The following SRC variants were observed in gnomAD, a reference collection of about 807,000 sequenced individuals.
SRC encodes proto-oncogene tyrosine-protein kinase Src.
SRC carries 13 observed loss-of-function variants against 62.9 expected under a neutral mutation model. The observed-to-expected ratio is 0.21, with a 90% confidence interval of 0.13 to 0.33. The LOEUF (loss-of-function observed/expected upper bound fraction) is 0.33. Ranked by LOEUF, SRC falls within the 10% of genes least tolerant of loss-of-function variation. The pLI, the probability that SRC is intolerant of heterozygous loss-of-function variation, is 1.00. For missense variants in SRC, 457 were observed against 737.3 expected (o/e 0.62, Z 4.40); for synonymous variants, 302 against 317.5 (o/e 0.95, Z 0.52).
At chr20:37,358,535 T>G (rs2069917307) in intron 1 of SRC, among the ~76,000 whole-genome samples, 1 of 152,226 alleles carries the variant, frequency 6.6e-6, no homozygotes, top group African/African-American at 2.4e-5. Flanking sequence ...TCACCTCTCC[T>G]TGCCCTCTTC....
At chr20:37,349,132 G>A (rs2069764438) in intron 1 of SRC, among the ~76,000 whole-genome samples, 1 of 152,194 alleles carries the variant, frequency 6.6e-6, no homozygotes, top group Non-Finnish European at 1.5e-5. Flanking sequence ...CTGGAGGCCA[G>A]AGGTACAGAG....
At chr20:37,370,402 T>C (rs955809300) in intron 2 of SRC, among the ~76,000 whole-genome samples, 1 of 152,108 alleles carries the variant, frequency 6.6e-6, no homozygotes, top group Admixed American at 6.6e-5. Context: ...TGGCGAAACC[T>C]TGTTTCTACT....
chr20:37,373,160 A>ACACACG (rs1555796362), intron 2 of SRC, among the ~76,000 whole-genome samples: 3 of 151,480 alleles, frequency 2.0e-5, no homozygotes, highest in African/African-American at 4.9e-5. Context: ...ACACACATAC[A>ACACACG]CACATATATG....
chr20:37,377,871 A>T (rs887850547), intron 2 of SRC, among the ~76,000 whole-genome samples: 2 of 152,016 alleles, frequency 1.3e-5, no homozygotes, highest in Non-Finnish European at 2.9e-5. Flanking sequence ...TTCTTTTTTT[A>T]AAGTTTTTTT....
rs1229185991 is a variant in SRC, at chr20:37,386,181, G to GC, written c.350+12dup. On this transcript the variant is annotated splice_region_variant and intron_variant, in intron 5 of 13. Coordinates refer to ENST00000373578, the MANE Select transcript of SRC (RefSeq NM_198291.3). Reference sequence around the variant, plus strand: ...TCCAGATTGTCAACAACACGTGAGTGCCCCCTTCCCTATTGCCCCTCAGGG... The same window carrying GC: ...TCCAGATTGTCAACAACACGTGAGTGCCCCCCTTCCCTATTGCCCCTCAGGG... The GC allele has an allele frequency of 1.9e-6, 3 of 1,613,648 alleles. No individual in the cohort carries two copies. Among genetic ancestry groups the GC allele is most frequent in the Non-Finnish European group, 2.5e-6 (3 of 1,179,690 alleles).
chr20:37,379,784 T>C (rs184419341), intron 2 of SRC, among the ~76,000 whole-genome samples: 10 of 143,996 alleles, frequency 6.9e-5, no homozygotes, highest in Admixed American at 5.6e-4. Flanking sequence ...TAATCCCAGC[T>C]ACTTGGGAGG....
At position 37,359,059 on chromosome 20, in the gene SRC, G is replaced by T. The variant is rs920745055; in HGVS notation, c.-246-6145G>T. On this transcript the variant is annotated intron_variant, in intron 1 of 13. Coordinates refer to ENST00000373578, the MANE Select transcript of SRC (RefSeq NM_198291.3). Reference sequence around the variant, plus strand: ...TGGGTGGGGATCAGGGCCTGGAGTTGTCTCAGACTTGCTTCTGCCCTGTGT... The same window carrying T: ...TGGGTGGGGATCAGGGCCTGGAGTTTTCTCAGACTTGCTTCTGCCCTGTGT... Among the ~76,000 whole-genome samples the T allele has an allele frequency of 2.2e-4, 33 of 152,254 alleles. 1 individual carries two copies. Among genetic ancestry groups the T allele is most frequent in the Non-Finnish European group, 2.9e-5 (2 of 68,048 alleles).
rs1010818410 is a variant in SRC at position 37,384,777 on chromosome 20, G to A, written c.250+374G>A. Among the ~76,000 whole-genome samples the A allele has an allele frequency of 6.6e-6, 1 of 152,184 alleles. No individual in the cohort carries two copies. Among genetic ancestry groups the A allele is most frequent in the Non-Finnish European group, 1.5e-5 (1 of 68,010 alleles). The stretch of plus-strand genomic sequence containing the variant: ...AGTCGGGACGCGCGGCCCACGTGCG[G>A]CGGAGGGGCAGCTGGGTCGCTCGGG... On this transcript the variant is annotated intron_variant, in intron 4 of 13. Coordinates refer to ENST00000373578, the MANE Select transcript of SRC (RefSeq NM_198291.3). The surrounding 1 kb of genome is among the most constrained non-coding windows in gnomAD (Gnocchi z 6.7).
upstream of SRC, among the ~76,000 whole-genome samples, chr20:37,345,746 G>A (rs142027006): frequency 2.9e-4 from 44 of 152,262 alleles, no homozygotes; most frequent in African/African-American, 1.0e-3. Flanking sequence ...CAGAGCGGGC[G>A]CTCCACGCCC....
intron 1 of SRC, among the ~76,000 whole-genome samples, chr20:37,360,813 T>G (rs1483662483): frequency 2.6e-5 from 4 of 152,192 alleles, no homozygotes; most frequent in Admixed American, 6.5e-5. Context: ...TTCACAGATA[T>G]AAACTTATTT....
In SRC at chr20:37,403,188, G is replaced by A; in HGVS notation, c.1420G>A (p.Val474Met). The change falls in exon 14 of 14, where the codon GTG (valine) becomes ATG (methionine). Residue 474 changes from valine to methionine, a missense_variant. By Grantham distance (21) the Val-to-Met change is conservative (BLOSUM62 1). Coordinates refer to ENST00000373578, the MANE Select transcript of SRC (RefSeq NM_198291.3). The surrounding 1 kb of genome is among the most constrained non-coding windows in gnomAD (Gnocchi z 7.1). ...GCCCACAGGGATGGTGAACCGCGAGGTGCTGGACCAGGTGGAGCGGGGCTA... is the reference window on the plus strand; with the variant it reads ...GCCCACAGGGATGGTGAACCGCGAGATGCTGGACCAGGTGGAGCGGGGCTA... ...VPYPGMVNRE[V>M]LDQVERGYRM... The A allele has an allele frequency of 2.6e-6, 4 of 1,552,818 alleles. No homozygotes were observed. Among genetic ancestry groups the A allele is most frequent in the Non-Finnish European group, 3.5e-6 (4 of 1,153,252 alleles).
chr20:37,383,879 G>GT (rs1345697873), intron 3 of SRC, among the ~76,000 whole-genome samples: 1 of 151,116 alleles, frequency 6.6e-6, no homozygotes, highest in Non-Finnish European at 1.5e-5. Flanking sequence ...CTACAGGCGC[G>GT]TGCCACCATG....
At chr20:37,373,702 C>A (rs2070233924) in intron 2 of SRC, among the ~76,000 whole-genome samples, 1 of 152,168 alleles carries the variant, frequency 6.6e-6, no homozygotes, top group Non-Finnish European at 1.5e-5. Context: ...GATTGAGATC[C>A]AGCTTTGTTT....
At chr20:37,361,288 C>T (rs2069965875) in intron 1 of SRC, among the ~76,000 whole-genome samples, 1 of 152,132 alleles carries the variant, frequency 6.6e-6, no homozygotes, top group Non-Finnish European at 1.5e-5. Flanking sequence ...TCGTTTTTAT[C>T]ATCTTACGAT....
intron 1 of SRC, among the ~76,000 whole-genome samples, chr20:37,356,461 T>C (rs1238188334): frequency 1.3e-5 from 2 of 151,080 alleles, no homozygotes; most frequent in Non-Finnish European, 3.0e-5. Context: ...CAGATGGGCC[T>C]GGAGAGAAGC....
rs61476973 is a variant in SRC at position 37,360,218 on chromosome 20, C to CTTTTTTTTTTTTTTT, written c.-246-4980_-246-4966dup. ...AATTTCTTTCTCTTTCTCTCTCTCT[C>CTTTTTTTTTTTTTTT]TTTTTTTTTTTTTTTTTTTTGGTGA... On this transcript the variant is annotated intron_variant, in intron 1 of 13. Transcript: ENST00000373578. Among the ~76,000 whole-genome samples the CTTTTTTTTTTTTTTT allele has an allele frequency of 2.9e-4, 31 of 105,630 alleles. 2 individuals carry two copies. The highest frequency in any genetic ancestry group is 7.6e-4 in the African/African-American group (16 of 20,922). 69.3% of individuals were successfully genotyped at this position (105,630 alleles called of 152,430 possible). A position where few individuals can be genotyped will look rare whatever the true frequency, so the allele number is the denominator to read the frequency against.
chr20:37,367,800 C>T (rs879523106), intron 2 of SRC, among the ~76,000 whole-genome samples: 1 of 151,886 alleles, frequency 6.6e-6, no homozygotes, highest in Admixed American at 6.6e-5. Flanking sequence ...GCATGCAACA[C>T]CACGCCTGGC....
chr20:37,401,528 G>A, intron 10 of SRC, 74 bp from the exon 11 acceptor site: 2 of 1,188,998 alleles, frequency 1.7e-6, no homozygotes, highest in East Asian at 2.5e-5. Flanking sequence ...CACCTGGGAG[G>A]ATGGGTTTTG....
Position 37,404,899 on chromosome 20 carries a change from T to C in SRC, c.*1520T>C, listed in dbSNP as rs1239293515. The C allele has an allele frequency of 4.3e-6, 1 of 233,736 alleles. No homozygotes were observed. The highest frequency in any genetic ancestry group is 8.5e-6 in the Non-Finnish European group (1 of 118,174). 14.5% of individuals were successfully genotyped at this position (233,736 alleles called of 1,614,324 possible). On this transcript the variant is annotated 3_prime_UTR_variant, in exon 14 of 14. Transcript: ENST00000373578. The stretch of plus-strand genomic sequence containing the variant: ...CTGTGTGTGTGTATGTGTGTGCATG[T>C]GTGCGTGTCTCCATGTGCGTCCATA...
Sources: allele counts gnomAD v4.1 joint callset (sites outside exome capture counted in the v4.1 genomes callset), GRCh38; gene constraint gnomAD v4.1.1; non-coding constraint Gnocchi (gnomAD v3.1); transcripts MANE v1.5; gene names NCBI Gene and HGNC (gene_info 2026-07-23, HGNC 2026-07-21).